GPCPD1: variants seen among roughly 807,000 people sequenced by gnomAD.
The protein encoded by GPCPD1 is glycerophosphocholine phosphodiesterase 1.
GPCPD1 carries 29 observed loss-of-function variants against 89.2 expected under a neutral mutation model. The ratio of observed to expected loss-of-function variants is 0.33; its 90% CI spans 0.24 to 0.44. The LOEUF is 0.44. GPCPD1 is among the 20% of genes least tolerant of loss of function. The probability of loss-of-function intolerance (pLI) is 1.00; values close to 1 mark genes in which losing one functional copy is unlikely to be tolerated. For synonymous variants in GPCPD1, 258 were observed against 266.3 expected, an observed-to-expected ratio of 0.97 and a Z score of 0.30; for missense variants, 594 against 808.9, an observed-to-expected ratio of 0.73 and a Z score of 3.22.
Position 5,586,105 on chromosome 20 carries a change from T to C in GPCPD1, c.307+89A>G, listed in dbSNP as rs1029569702. The C allele has an allele frequency of 7.4e-5, 46 of 621,216 alleles. 1 individual carries two copies. Among genetic ancestry groups the C allele is most frequent in the Non-Finnish European group, 1.3e-4 (45 of 343,362 alleles). The allele number at this position is 621,216 out of a possible 1,614,324, so 38.5% of individuals were successfully genotyped here. On this transcript the variant is annotated intron_variant, in intron 5 of 19. Coordinates refer to ENST00000379019, the MANE Select transcript of GPCPD1 (RefSeq NM_019593.5). ...CAATGCATTGACCTTAACTTTAGAA[T>C]AAAAATTTATTAAATCCCACTAAGC... is the stretch of plus-strand genomic sequence containing the variant.
At chr20:5,595,558 T>C (rs895106654) in intron 3 of GPCPD1, among the ~76,000 whole-genome samples, 6 of 152,042 alleles carry the variant, frequency 3.9e-5, no homozygotes, top group Non-Finnish European at 4.4e-5. Flanking sequence ...GGCGAATCAC[T>C]TGAACCTGGG....
chr20:5,566,807 GA>G, intron 13 of GPCPD1, 35 bp from the exon 14 acceptor site: 1 of 1,433,300 alleles, frequency 7.0e-7, no homozygotes, highest in Non-Finnish European at 9.8e-7. Flanking sequence ...AATCAGAAAG[GA>G]AGCCTTAGCT....
At chr20:5,574,785 AAT>A (rs1220051814) in intron 10 of GPCPD1, among the ~76,000 whole-genome samples, 1 of 152,202 alleles carries the variant, frequency 6.6e-6, no homozygotes, top group Non-Finnish European at 1.5e-5. Context: ...TTCTTCCTTA[AAT>A]AGTTATTTTT....
intron 16 of GPCPD1, among the ~76,000 whole-genome samples, chr20:5,561,174 A>G (rs1986056747): frequency 6.6e-6 from 1 of 152,230 alleles, no homozygotes; most frequent in South Asian, 2.1e-4. Flanking sequence ...TAAATCCAAG[A>G]GATGTGACTA....
chr20:5,590,995 ACAAG>A (rs1162404605), intron 4 of GPCPD1, among the ~76,000 whole-genome samples: 2 of 152,160 alleles, frequency 1.3e-5, no homozygotes, highest in African/African-American at 4.8e-5. Flanking sequence ...AATTCTACCC[ACAAG>A]CAAAGAGGGG....
At chr20:5,569,393 C>T (rs1015594776) in intron 12 of GPCPD1, among the ~76,000 whole-genome samples, 2 of 152,112 alleles carry the variant, frequency 1.3e-5, no homozygotes, top group African/African-American at 4.8e-5. Context: ...CACTTGGTTA[C>T]ATAGTATACT....
intron 4 of GPCPD1, among the ~76,000 whole-genome samples, chr20:5,592,854 G>GA (rs1979427494): frequency 6.6e-6 from 1 of 151,976 alleles, no homozygotes; most frequent in African/African-American, 2.4e-5. Context: ...TAACATCTTT[G>GA]AAAAAATCTA....
Position 5,570,175 on chromosome 20 carries a change from T to C in GPCPD1, c.1121A>G (p.Asp374Gly). Reference sequence around the variant, plus strand: ...TTTCATAGTCAAACAACAGGTAAGATCATGATATACCACGGGCACAAAGTC... The same window carrying C: ...TTTCATAGTCAAACAACAGGTAAGACCATGATATACCACGGGCACAAAGTC... ...SKDFVPVVYH[D>G]LTCCLTMKKK... is the part of the protein sequence containing the mutation. The change falls in exon 12 of 20, where the codon GAT becomes GGT. Residue 374 changes from aspartate (D) to glycine (G), a missense_variant. Physicochemically the swap from Asp to Gly is moderately conservative, Grantham distance 94 (BLOSUM62 -1). Transcript: ENST00000379019. The C allele has an allele frequency of 6.3e-7, 1 of 1,579,858 alleles. No individual in the cohort carries two copies. Among genetic ancestry groups the C allele is most frequent in the Non-Finnish European group, 8.7e-7 (1 of 1,149,742 alleles).
intron 2 of GPCPD1, 59 bp downstream of exon 2, chr20:5,604,305 C>A (rs950465425): frequency 1.2e-6 from 1 of 868,706 alleles, no homozygotes; most frequent in African/African-American, 1.7e-5. Flanking sequence ...TTAAGGTAAT[C>A]CAGATAAGAA....
chr20:5,610,263 G>C (rs909185913), intron 1 of GPCPD1, among the ~76,000 whole-genome samples: 3 of 152,182 alleles, frequency 2.0e-5, no homozygotes, highest in African/African-American at 7.2e-5. Flanking sequence ...AAATTGTATC[G>C]AGGGCACTCA....
intron 3 of GPCPD1, among the ~76,000 whole-genome samples, chr20:5,594,173 C>T (rs1979532893): frequency 6.6e-6 from 1 of 152,310 alleles, no homozygotes; most frequent in Admixed American, 6.5e-5. Flanking sequence ...TGGTCCCAGA[C>T]CATCATTAGT....
intron 8 of GPCPD1, among the ~76,000 whole-genome samples, chr20:5,578,027 A>G (rs934731813): frequency 1.3e-5 from 2 of 152,224 alleles, no homozygotes; most frequent in African/African-American, 2.4e-5. Flanking sequence ...TGAGAACTCA[A>G]TCACGCTTGT....
chr20:5,569,499 T>TC (rs11482938), intron 12 of GPCPD1, among the ~76,000 whole-genome samples: 22,346 of 149,732 alleles, frequency 0.15, 1,765 homozygotes, highest in South Asian at 0.19. Flanking sequence ...TCATTCTGGA[T>TC]CCCCCCCCGC....
intron 19 of GPCPD1, among the ~76,000 whole-genome samples, chr20:5,557,228 C>T (rs1985825408): frequency 6.6e-6 from 1 of 152,136 alleles, no homozygotes; most frequent in Non-Finnish European, 1.5e-5. Context: ...GCAACATGAT[C>T]AGACATAGGT....
chr20:5,549,541 A>C (rs1985245624), intron 19 of GPCPD1: 7 of 954,450 alleles, frequency 7.3e-6, no homozygotes, highest in Non-Finnish European at 1.1e-5. Flanking sequence ...CAAGCAATCG[A>C]GATTTTGGAG....
At position 5,586,248 on chromosome 20, in the gene GPCPD1, C is replaced by G; in HGVS notation, c.253G>C (p.Val85Leu). 6.3e-7 allele frequency: 1 copy of G among 1,593,976 alleles called. No homozygotes were observed. The highest frequency in any genetic ancestry group is 8.6e-7 in the Non-Finnish European group (1 of 1,161,900). ...TGAGTCTCCCACTTGTGAACTATCA[C>G]TTGACATGGACCACCGATAGTCTGC... The part of the protein sequence containing the change: ...EPKTIGGPCQ[V>L]IVHKWETHLQ... The change falls in exon 5 of 20, where the codon GTG (valine) becomes CTG (leucine). Residue 85 changes from valine to leucine, a missense_variant. Physicochemically the swap from Val to Leu is conservative, Grantham distance 32. Transcript: ENST00000379019.
At chr20:5,595,718 T>A (rs1979670249) in intron 3 of GPCPD1, among the ~76,000 whole-genome samples, 1 of 151,436 alleles carries the variant, frequency 6.6e-6, no homozygotes, top group Non-Finnish European at 1.5e-5. Context: ...CCAATAAGCC[T>A]CAGAATCCTT....
chr20:5,557,162 T>A (rs1337472211), intron 19 of GPCPD1, among the ~76,000 whole-genome samples: 1 of 152,076 alleles, frequency 6.6e-6, no homozygotes, highest in South Asian at 2.1e-4. Flanking sequence ...TATAGGGCCC[T>A]CAGGCTTCAG....
At chr20:5,586,501 C>T (rs1190451931) in intron 4 of GPCPD1, among the ~76,000 whole-genome samples, 1 of 152,146 alleles carries the variant, frequency 6.6e-6, no homozygotes, top group Non-Finnish European at 1.5e-5. Context: ...GATGAACTGG[C>T]ACACAGAACT....
Sources: gnomAD v4.1 joint callset for allele counts (sites outside exome capture counted in the v4.1 genomes callset) on GRCh38, gnomAD v4.1.1 for gene constraint, MANE v1.5 for transcripts, NCBI Gene and HGNC (gene_info 2026-07-23, HGNC 2026-07-21) for gene names.